FRMPD4: variants seen among roughly 807,000 people sequenced by gnomAD.
The protein encoded by FRMPD4 is FERM and PDZ domain-containing protein 4.
A neutral mutation model predicts 94.1 loss-of-function variants in FRMPD4; 22 were observed. The observed-to-expected ratio is 0.23, with a 90% CI of 0.17 to 0.33. The LOEUF is 0.33. Ranked by LOEUF, FRMPD4 falls within the 10% of genes least tolerant of loss-of-function variation. FRMPD4 has a pLI of 1.00. For synonymous variants in FRMPD4, 631 were observed against 548.6 expected, an observed-to-expected ratio of 1.15 and a Z score of -2.10; for missense variants, 1,111 against 1,339.9, an observed-to-expected ratio of 0.83 and a Z score of 2.67.
intron 1 of FRMPD4, among the ~76,000 whole-genome samples, chrX:12,312,198 A>ATATAATTC (rs1288099046): frequency 2.3e-5 from 2 of 87,389 alleles, no homozygotes; most frequent in African/African-American, 4.3e-5. Flanking sequence ...ATTTTTATTT[A>ATATAATTC]TATAATTCCT....
intron 1 of FRMPD4, among the ~76,000 whole-genome samples, chrX:12,476,127 T>A (rs28813798): frequency 0.44 from 48,324 of 108,981 alleles, 8,665 homozygotes; most frequent in East Asian, 0.62. Flanking sequence ...TATAGATCAA[T>A]GGAACAGAAC....
chrX:12,059,590 C>A (rs1358763246), intron 3 of FRMPD4, among the ~76,000 whole-genome samples: 1 of 110,293 alleles, frequency 9.1e-6, no homozygotes, highest in Non-Finnish European at 1.9e-5. Context: ...TAGTACCCAA[C>A]AGTTTTTCAA....
chrX:12,307,873 G>A (rs762233841), intron 1 of FRMPD4, among the ~76,000 whole-genome samples: 11 of 111,526 alleles, frequency 9.9e-5, no homozygotes, highest in South Asian at 3.8e-4. Context: ...CTTGGCAAGC[G>A]TTTGGATGAG....
intron 3 of FRMPD4, among the ~76,000 whole-genome samples, chrX:12,027,123 T>A (rs2147429526): frequency 8.9e-6 from 1 of 112,430 alleles, no homozygotes; most frequent in African/African-American, 3.2e-5. Flanking sequence ...TGTTGTAACT[T>A]CTTATATCAC....
intron 4 of FRMPD4, among the ~76,000 whole-genome samples, chrX:12,626,779 T>C (rs2059350735): frequency 9.4e-6 from 1 of 106,682 alleles, no homozygotes; most frequent in South Asian, 4.4e-4. Flanking sequence ...CAGAGCAAAA[T>C]AGGCCATTTA....
At chrX:12,535,568 T>C (rs2058330819) in intron 2 of FRMPD4, among the ~76,000 whole-genome samples, 1 of 112,330 alleles carries the variant, frequency 8.9e-6, no homozygotes, top group Non-Finnish European at 1.9e-5. Flanking sequence ...CTTATAGGAC[T>C]TTCCCCCAAC....
chrX:12,057,544 G>A (rs1348574366), intron 3 of FRMPD4, among the ~76,000 whole-genome samples: 3 of 111,531 alleles, frequency 2.7e-5, no homozygotes, highest in Non-Finnish European at 5.7e-5. Flanking sequence ...TCCTAAATCA[G>A]TATTAGTCAC....
intron 3 of FRMPD4, among the ~76,000 whole-genome samples, chrX:11,896,940 G>T (rs2053907546): frequency 9.0e-6 from 1 of 111,479 alleles, no homozygotes; most frequent in African/African-American, 3.3e-5. Context: ...GGATGCCAAT[G>T]CTGCTGGTCT....
At chrX:12,068,321 C>T (rs769957425) in intron 3 of FRMPD4, among the ~76,000 whole-genome samples, 2 of 111,974 alleles carry the variant, frequency 1.8e-5, no homozygotes, top group East Asian at 5.6e-4. Context: ...CTTTAAGCGC[C>T]TAAATTTGTG....
intron 4 of FRMPD4, among the ~76,000 whole-genome samples, chrX:12,642,786 C>G (rs1418896946): frequency 8.9e-6 from 1 of 112,006 alleles, no homozygotes; most frequent in Non-Finnish European, 1.9e-5. Context: ...GCCTTTAGTC[C>G]CAGTTGCTTG....
chrX:12,166,661 G>T (rs2056124487), intron 1 of FRMPD4, among the ~76,000 whole-genome samples: 1 of 111,194 alleles, frequency 9.0e-6, no homozygotes, highest in African/African-American at 3.3e-5. Context: ...GTAGAATTCG[G>T]CTGTGAATCC....
At chrX:12,143,500 A>T (rs1375055524) in intron 1 of FRMPD4, among the ~76,000 whole-genome samples, 1 of 112,482 alleles carries the variant, frequency 8.9e-6, no homozygotes, top group East Asian at 2.8e-4. Context: ...TACAAAGCCT[A>T]AAATATTTAC....
intron 3 of FRMPD4, among the ~76,000 whole-genome samples, chrX:11,990,762 C>T (rs2054459064): frequency 8.9e-6 from 1 of 111,774 alleles, no homozygotes; most frequent in Non-Finnish European, 1.9e-5. Flanking sequence ...TTAAACAACA[C>T]ATGTTTATTA....
chrX:11,867,453 C>T (rs760838073), intron 2 of FRMPD4, among the ~76,000 whole-genome samples: 6 of 111,318 alleles, frequency 5.4e-5, no homozygotes, highest in Non-Finnish European at 9.4e-5. Flanking sequence ...ACAGAATGAA[C>T]GTATTGCGGG....
intron 1 of FRMPD4, among the ~76,000 whole-genome samples, chrX:11,853,340 C>T (rs1486553318): frequency 9.0e-6 from 1 of 111,256 alleles, no homozygotes; most frequent in Non-Finnish European, 1.9e-5. Flanking sequence ...AAAAGAACTA[C>T]AGAACCAAGA....
At chrX:12,269,097 T>G (rs2054315265) in intron 1 of FRMPD4, among the ~76,000 whole-genome samples, 1 of 112,250 alleles carries the variant, frequency 8.9e-6, no homozygotes, top group Non-Finnish European at 1.9e-5. Flanking sequence ...TTTCCATATT[T>G]TTTTATTCTT....
chrX:12,250,017 TG>T (rs2054011475), intron 1 of FRMPD4, among the ~76,000 whole-genome samples: 1 of 100,546 alleles, frequency 9.9e-6, no homozygotes, highest in South Asian at 5.3e-4. Flanking sequence ...TTATTAATTA[TG>T]GTATTCTCTC....
chrX:12,401,817 ATTTG>A (rs1489145548), intron 1 of FRMPD4, among the ~76,000 whole-genome samples: 4 of 111,960 alleles, frequency 3.6e-5, no homozygotes, highest in African/African-American at 1.3e-4. Flanking sequence ...ACAAAGTTGT[ATTTG>A]TTTATGTATT....
chrX:12,066,181 A>C (rs1472913548), intron 3 of FRMPD4, among the ~76,000 whole-genome samples: 1 of 112,199 alleles, frequency 8.9e-6, no homozygotes. Flanking sequence ...TCTTCCAAAA[A>C]ATAATACCCA....
Sources: allele counts gnomAD v4.1 joint callset (sites outside exome capture counted in the v4.1 genomes callset), GRCh38; gene constraint gnomAD v4.1.1; transcripts MANE v1.5; gene names NCBI Gene and HGNC (gene_info 2026-07-23, HGNC 2026-07-21).